The following STX18 variants were observed in gnomAD, a reference collection of about 807,000 sequenced individuals.
The protein encoded by STX18 is syntaxin 18, also known as syntaxin-18.
A neutral mutation model predicts 50.1 loss-of-function variants in STX18; 40 were observed. That is an observed-to-expected ratio of 0.80 (90% CI 0.62 to 1.04). The LOEUF is 1.04. Among genes scored for constraint, STX18 ranks in the 50% least tolerant of loss-of-function variants. The pLI, the probability that STX18 is intolerant of heterozygous loss-of-function variation, is 0.00. For missense variants in STX18, 410 were observed against 415.8 expected, an observed-to-expected ratio of 0.99 and a Z score of 0.12; for synonymous variants, 158 against 151.8, an observed-to-expected ratio of 1.04 and a Z score of -0.30.
intron 1 of STX18, among the ~76,000 whole-genome samples, chr4:4,503,356 C>T (rs1729547309): frequency 6.6e-6 from 1 of 152,160 alleles, no homozygotes; most frequent in Non-Finnish European, 1.5e-5. Flanking sequence ...CTATGCATCA[C>T]CTTGAGAGGC....
rs145474499 is a variant in STX18, at chr4:4,504,966, C to G, written c.169-33260G>C. 3.4e-4 allele frequency among the ~76,000 whole-genome samples: 51 copies of G among 152,216 alleles called. No homozygotes were observed. In the East Asian group the frequency reaches 9.3e-3, roughly 28 times the overall value. ...AAACAATTCATCCATTTAAATTGTG[C>G]AATTCCATGGTTTTTAGTGTATTTG... On this transcript the variant is annotated intron_variant, in intron 1 of 10. Transcript: ENST00000306200.
At chr4:4,469,285 T>TAA (rs200773664) in intron 2 of STX18, among the ~76,000 whole-genome samples, 1 of 151,806 alleles carries the variant, frequency 6.6e-6, no homozygotes, top group African/African-American at 2.4e-5. Flanking sequence ...TTAAAGGTTG[T>TAA]AAAAAAAACA....
chr4:4,477,706 T>A (rs1278888727), intron 1 of STX18, among the ~76,000 whole-genome samples: 3 of 152,176 alleles, frequency 2.0e-5, no homozygotes. Flanking sequence ...TTACACAGAA[T>A]CCTGGCAAGT....
intron 7 of STX18, among the ~76,000 whole-genome samples, chr4:4,428,362 C>A (rs1237009614): frequency 6.6e-6 from 1 of 152,216 alleles, no homozygotes; most frequent in African/African-American, 2.4e-5. Flanking sequence ...AGCCCCTCAC[C>A]TTCTAAGCAG....
At chr4:4,523,098 A>G (rs1730587004) in intron 1 of STX18, among the ~76,000 whole-genome samples, 1 of 152,212 alleles carries the variant, frequency 6.6e-6, no homozygotes, top group South Asian at 2.1e-4. Flanking sequence ...TAAATATTTT[A>G]TCCACAGATC....
At chr4:4,458,459 G>A (rs1367515365) in intron 3 of STX18, among the ~76,000 whole-genome samples, 1 of 152,114 alleles carries the variant, frequency 6.6e-6, no homozygotes, top group East Asian at 1.9e-4. Context: ...GCTTCCATCA[G>A]AGTCTCCAAG....
chr4:4,446,387 G>T (rs1726410200), intron 5 of STX18, among the ~76,000 whole-genome samples: 1 of 152,024 alleles, frequency 6.6e-6, no homozygotes, highest in African/African-American at 2.4e-5. Context: ...ATAAACCACA[G>T]AATAGGAAAA....
intron 6 of STX18, among the ~76,000 whole-genome samples, chr4:4,437,788 G>C (rs996659029): frequency 6.6e-6 from 1 of 152,132 alleles, no homozygotes; most frequent in Non-Finnish European, 1.5e-5. Flanking sequence ...CCCTACGCAG[G>C]GGTACCAGCC....
intron 1 of STX18, among the ~76,000 whole-genome samples, chr4:4,541,471 T>C (rs1050123281): frequency 6.6e-6 from 1 of 152,016 alleles, no homozygotes; most frequent in Non-Finnish European, 1.5e-5. Context: ...TTCCCCTGAG[T>C]GCAAGTCTGT....
intron 9 of STX18, among the ~76,000 whole-genome samples, chr4:4,422,559 ACT>A (rs1177656715): frequency 7.0e-6 from 1 of 143,556 alleles, no homozygotes; most frequent in Non-Finnish European, 1.5e-5. Context: ...ACACAGCAAG[ACT>A]CTGTCTCCAA....
rs1254495369 is a variant in STX18 at position 4,511,763 on chromosome 4, T to C, written c.168+30034A>G. ...GTGTGTGTGTGTGTGTGTGTGTGTA[T>C]GCCCCTAGGTTAAGGTCCTCTTAAG... On this transcript the variant is annotated intron_variant, in intron 1 of 10. Coordinates refer to ENST00000306200, the MANE Select transcript of STX18 (RefSeq NM_016930.4). Among the ~76,000 whole-genome samples the C allele has an allele frequency of 2.9e-5, 4 of 136,126 alleles. No individual in the cohort carries two copies. The South Asian group carries it at 6.7e-4, about 23-fold the overall frequency. The allele number at this position is 136,126 out of a possible 152,430, so 89.3% of individuals were successfully genotyped here.
chr4:4,478,092 T>C (rs1728280163), intron 1 of STX18: 1 of 152,200 alleles, frequency 6.6e-6, no homozygotes, highest in South Asian at 2.1e-4. Context: ...ACGGTGTTCA[T>C]GTTATGTTTA....
intron 1 of STX18, among the ~76,000 whole-genome samples, chr4:4,482,854 T>C (rs1228167271): frequency 6.6e-6 from 1 of 152,224 alleles, no homozygotes; most frequent in East Asian, 1.9e-4. Flanking sequence ...TCAAGTTCTT[T>C]ATTCCATCAG....
intron 7 of STX18, 32 bp downstream of exon 7, chr4:4,434,738 A>G (rs753098578): frequency 6.4e-7 from 1 of 1,570,414 alleles, no homozygotes; most frequent in Non-Finnish European, 8.7e-7. Flanking sequence ...AAACCAGTTA[A>G]AAATAAATAA....
chr4:4,536,156 T>C (rs1731316792), intron 1 of STX18, among the ~76,000 whole-genome samples: 1 of 152,226 alleles, frequency 6.6e-6, no homozygotes, highest in South Asian at 2.1e-4. Context: ...TAAGTATAAA[T>C]GTGCATCATG....
At chr4:4,438,255 C>T (rs186181728) in intron 6 of STX18, 139 bp downstream of exon 6, 38 of 643,920 alleles carry the variant, frequency 5.9e-5, no homozygotes, top group Admixed American at 4.7e-4. Context: ...CAAAGGCTGC[C>T]GCCTCCTGCT....
intron 1 of STX18, among the ~76,000 whole-genome samples, chr4:4,496,802 A>G (rs1296007915): frequency 6.6e-6 from 1 of 152,206 alleles, no homozygotes; most frequent in Non-Finnish European, 1.5e-5. Context: ...GTCATGCAGG[A>G]GACTAAAATT....
chr4:4,481,775 C>G (rs1176966024), intron 1 of STX18: 1 of 152,258 alleles, frequency 6.6e-6, no homozygotes, highest in African/African-American at 2.4e-5. Flanking sequence ...TGAGTCCTAT[C>G]CCTGTGCAAA....
Position 4,420,949 on chromosome 4 carries a change from G to A in STX18, c.832-5C>T. The stretch of plus-strand genomic sequence containing the variant: ...AATGCTGTCAATCTCAGCTTCCTGT[G>A]GAAGAAAAGATAAATACAAGTTGAG... On this transcript the variant is annotated splice_polypyrimidine_tract_variant and splice_region_variant and intron_variant, in intron 9 of 10. Transcript: ENST00000306200. The surrounding 1 kb of genome is among the most constrained non-coding windows in gnomAD (Gnocchi z 4.3). The A allele has an allele frequency of 1.2e-6, 2 of 1,613,790 alleles. No individual in the cohort carries two copies. The highest frequency in any genetic ancestry group is 8.5e-7 in the Non-Finnish European group (1 of 1,179,866).
Sources: gnomAD v4.1 joint callset for allele counts (sites outside exome capture counted in the v4.1 genomes callset) on GRCh38, gnomAD v4.1.1 for gene constraint, Gnocchi (gnomAD v3.1) non-coding constraint, MANE v1.5 for transcripts, NCBI Gene and HGNC (gene_info 2026-07-23, HGNC 2026-07-21) for gene names.